ATOSA: variants seen among roughly 807,000 people sequenced by gnomAD.
ATOSA encodes atos homolog protein A.
chr15:52,612,686 G>T, the ATOSA span, among the ~76,000 whole-genome samples: 2 of 151,650 alleles, frequency 1.3e-5, no homozygotes, highest in Non-Finnish European at 2.9e-5. Flanking sequence ...TGTATTTTTA[G>T]TAGAGATGAG....
chr15:52,652,752 T>C, the ATOSA span, among the ~76,000 whole-genome samples: 2 of 152,196 alleles, frequency 1.3e-5, no homozygotes, highest in African/African-American at 4.8e-5. Flanking sequence ...TCTGGATACA[T>C]AGAACAATGA....
chr15:52,636,450 A>C, the ATOSA span, among the ~76,000 whole-genome samples: 2 of 152,138 alleles, frequency 1.3e-5, no homozygotes, highest in Non-Finnish European at 2.9e-5. Context: ...ATTAAGATCA[A>C]ATGGGGTTAC....
At chr15:52,605,628 C>T in the ATOSA span, among the ~76,000 whole-genome samples, 1 of 151,966 alleles carries the variant, frequency 6.6e-6, no homozygotes, top group Non-Finnish European at 1.5e-5. Flanking sequence ...TGTTTACACA[C>T]AATATATATA....
the ATOSA span, chr15:52,652,127 C>T: frequency 2.4e-5 from 32 of 1,310,524 alleles, no homozygotes; most frequent in Non-Finnish European, 3.0e-5. Context: ...TCAACCTCCC[C>T]TGCTCGCTAG....
At chr15:52,653,766 T>C in the ATOSA span, among the ~76,000 whole-genome samples, 1 of 152,218 alleles carries the variant, frequency 6.6e-6, no homozygotes, top group African/African-American at 2.4e-5. Context: ...ACAAAATGAC[T>C]GGTTTAATGA....
chr15:52,700,633 C>A, the ATOSA span, among the ~76,000 whole-genome samples: 1 of 152,198 alleles, frequency 6.6e-6, no homozygotes, highest in African/African-American at 2.4e-5. Context: ...TGCTATCTAG[C>A]AAACTTGAAT....
At chr15:52,689,728 C>A in the ATOSA span, among the ~76,000 whole-genome samples, 1 of 152,176 alleles carries the variant, frequency 6.6e-6, no homozygotes, top group Non-Finnish European at 1.5e-5. Flanking sequence ...CTGAGCCCAA[C>A]AGAAGTACAT....
At chr15:52,707,554 T>C in the ATOSA span, among the ~76,000 whole-genome samples, 3 of 152,192 alleles carry the variant, frequency 2.0e-5, no homozygotes, top group Non-Finnish European at 1.5e-5. Flanking sequence ...GAAAGAGGCA[T>C]GATTCAATCC....
At chr15:52,630,604 T>C in the ATOSA span, among the ~76,000 whole-genome samples, 1 of 152,180 alleles carries the variant, frequency 6.6e-6, no homozygotes, top group Admixed American at 6.5e-5. Context: ...TACACACTGG[T>C]GCAAACACTT....
the ATOSA span, among the ~76,000 whole-genome samples, chr15:52,670,652 G>C: frequency 6.6e-6 from 1 of 152,180 alleles, no homozygotes; most frequent in Non-Finnish European, 1.5e-5. Context: ...TGTCAGGATA[G>C]CAAGAGGAAA....
At chr15:52,598,473 T>C in the ATOSA span, 1 of 152,236 alleles carries the variant, frequency 6.6e-6, no homozygotes, top group Admixed American at 6.5e-5. Context: ...GACTTTGCCC[T>C]GTTTTCATTA....
At chr15:52,590,037 C>A in the ATOSA span, among the ~76,000 whole-genome samples, 14 of 152,110 alleles carry the variant, frequency 9.2e-5, no homozygotes, top group Non-Finnish European at 1.3e-4. Context: ...ATCCGCCTGC[C>A]CCAGCCTCCC....
the ATOSA span, chr15:52,585,048 T>C: frequency 1.2e-6 from 1 of 824,932 alleles, no homozygotes. Flanking sequence ...AACAAGGTAA[T>C]ACCACTGAAT....
chr15:52,636,097 A>T, the ATOSA span, among the ~76,000 whole-genome samples: 1 of 139,042 alleles, frequency 7.2e-6, no homozygotes, highest in Non-Finnish European at 1.5e-5. Context: ...AATAAAATTA[A>T]ATATTAAATT....
chr15:52,659,874 A>G, the ATOSA span, among the ~76,000 whole-genome samples: 6 of 152,080 alleles, frequency 3.9e-5, no homozygotes, highest in African/African-American at 1.4e-4. Flanking sequence ...AAAAATAAAA[A>G]AGTAAAATTC....
At chr15:52,668,207 T>C in the ATOSA span, among the ~76,000 whole-genome samples, 68 of 152,290 alleles carry the variant, frequency 4.5e-4, no homozygotes, top group African/African-American at 1.6e-3. Flanking sequence ...ACACACATAA[T>C]GGAATACTAT....
the ATOSA span, among the ~76,000 whole-genome samples, chr15:52,599,417 T>A: frequency 2.0e-5 from 3 of 152,204 alleles, no homozygotes; most frequent in Non-Finnish European, 4.4e-5. Flanking sequence ...AGCTTCACTA[T>A]TAAAATAGTT....
At chr15:52,664,428 A>C in the ATOSA span, among the ~76,000 whole-genome samples, 1 of 152,240 alleles carries the variant, frequency 6.6e-6, no homozygotes, top group Non-Finnish European at 1.5e-5. Context: ...GTATGCTAAC[A>C]TGTACTATTT....
At chr15:52,637,134 T>C in the ATOSA span, among the ~76,000 whole-genome samples, 2 of 152,156 alleles carry the variant, frequency 1.3e-5, no homozygotes, top group Non-Finnish European at 2.9e-5. Flanking sequence ...GAATGCTACA[T>C]GTATTTATCA....
Sources: allele counts gnomAD v4.1 joint callset (sites outside exome capture counted in the v4.1 genomes callset), GRCh38; gene constraint gnomAD v4.1.1; transcripts MANE v1.5; gene names NCBI Gene and HGNC (gene_info 2026-07-23, HGNC 2026-07-21).